CACNA1E: variants seen among roughly 807,000 people sequenced by gnomAD.
CACNA1E encodes voltage-dependent R-type calcium channel subunit alpha-1E.
Under a neutral mutation model 259.2 loss-of-function variants are expected in CACNA1E, and 40 were observed. The observed-to-expected ratio is 0.15, with a 90% CI of 0.12 to 0.20. CACNA1E has a LOEUF of 0.20. CACNA1E is among the 10% of genes least tolerant of loss of function. CACNA1E has a pLI of 1.00. For synonymous variants in CACNA1E, 1,104 were observed against 1,138.5 expected (o/e 0.97, Z 0.61); for missense variants, 1,874 against 3,040.1 (o/e 0.62, Z 9.02).
chr1:181,612,471 G>A (rs1028293472), intron 6 of CACNA1E, among the ~76,000 whole-genome samples: 1 of 152,164 alleles, frequency 6.6e-6, no homozygotes, highest in Non-Finnish European at 1.5e-5. Flanking sequence ...ACAATCAACT[G>A]TCAGGGCTGA....
chr1:181,793,905 C>A, intron 45 of CACNA1E, 112 bp downstream of exon 45: 2 of 1,189,574 alleles, frequency 1.7e-6, no homozygotes, highest in South Asian at 1.6e-5. Context: ...CACCCCTTCC[C>A]TATAAATAAA....
intron 7 of CACNA1E, among the ~76,000 whole-genome samples, chr1:181,665,222 C>A (rs976757486): frequency 3.3e-5 from 5 of 152,046 alleles, no homozygotes; most frequent in African/African-American, 1.2e-4. Context: ...TATATATACA[C>A]CCATATATGC....
chr1:181,755,863 C>T, intron 28 of CACNA1E, 93 bp from the exon 29 acceptor site: 1 of 1,265,142 alleles, frequency 7.9e-7, no homozygotes, highest in Non-Finnish European at 1.1e-6. Context: ...ATCATTATTA[C>T]CCCCACATTA....
intron 1 of CACNA1E, among the ~76,000 whole-genome samples, chr1:181,329,204 C>T (rs966713218): frequency 2.6e-5 from 4 of 152,102 alleles, no homozygotes; most frequent in African/African-American, 9.7e-5. Context: ...CAATATGTCT[C>T]GACCTTGTCT....
In CACNA1E at chr1:181,776,109, C is replaced by T. The variant is rs1236736862; in HGVS notation, c.5148C>T (p.Asn1716=). The T allele has an allele frequency of 5.0e-6, 8 of 1,613,306 alleles. No homozygotes were observed. Among genetic ancestry groups the T allele is most frequent in the African/African-American group, 1.3e-5 (1 of 74,938 alleles). ...FIFFCSFLML[N]LFVAVIMDNF... is the part of the protein sequence containing the mutation. Reference sequence around the variant, plus strand: ...TTCCCCTTGCCCTTCAGATGCTCAACCTGTTTGTGGCCGTCATCATGGACA... The same window carrying T: ...TTCCCCTTGCCCTTCAGATGCTCAATCTGTTTGTGGCCGTCATCATGGACA... Residue 1716 remains asparagine, a synonymous_variant, in exon 38 of 48, where the codon AAC becomes AAT. Transcript: ENST00000367573. This position sits in a 1 kb window ranked among gnomAD's most constrained non-coding sequence, Gnocchi z 4.4.
At position 181,803,143 on chromosome 1, in the gene CACNA1E, C is replaced by T. The variant is rs1662393398; in HGVS notation, c.*4309C>T. On this transcript the variant is annotated 3_prime_UTR_variant, in exon 48 of 48. Transcript: ENST00000367573. Reference sequence around the variant, plus strand: ...GCGTTGCCATGCCTTGGGGTGAATTCTTCCCCACTAGCTCTCTCACCCAGC... The same window carrying T: ...GCGTTGCCATGCCTTGGGGTGAATTTTTCCCCACTAGCTCTCTCACCCAGC... 6.6e-6 allele frequency: 1 copy of T among 152,218 alleles called. No individual in the cohort carries two copies. The highest frequency in any genetic ancestry group is 2.1e-4 in the South Asian group (1 of 4,832). 9.4% of individuals were successfully genotyped at this position (152,218 alleles called of 1,614,324 possible).
At position 181,470,198 on chromosome 1, in the gene CACNA1E, ATT is replaced by A. The variant is rs140772361; in HGVS notation, c.435-13536_435-13535del. Among the ~76,000 whole-genome samples, 4 of 147,226 alleles carry A rather than the reference ATT, an allele frequency of 2.7e-5. No individual in the cohort carries two copies. The South Asian group carries it at 6.5e-4, about 24-fold the overall frequency. ...TTTTTAGAGATGGAGTCTCTAAAAT[ATT>A]TTTTTTTTTATAGATAGGATCTCTG... On this transcript the variant is annotated intron_variant, in intron 2 of 11. Coordinates refer to the CACNA1E transcript ENST00000524607.
At chr1:181,327,898 G>A (rs1650920474) in intron 1 of CACNA1E, among the ~76,000 whole-genome samples, 1 of 152,210 alleles carries the variant, frequency 6.6e-6, no homozygotes, top group South Asian at 2.1e-4. Context: ...AGGCTGGCCT[G>A]GCTGGAGTTG....
At chr1:181,610,943 A>AT (rs939389713) in intron 6 of CACNA1E, among the ~76,000 whole-genome samples, 1 of 151,692 alleles carries the variant, frequency 6.6e-6, no homozygotes, top group Non-Finnish European at 1.5e-5. Flanking sequence ...CATTACTACA[A>AT]TTTTTTTTTC....
chr1:181,750,082 G>A (rs1286733510), intron 25 of CACNA1E, among the ~76,000 whole-genome samples: 2 of 152,272 alleles, frequency 1.3e-5, no homozygotes, highest in Non-Finnish European at 2.9e-5. Context: ...ACTGGAAACA[G>A]AGTTTGTCTG....
intron 1 of CACNA1E, among the ~76,000 whole-genome samples, chr1:181,383,583 G>T (rs1178127465): frequency 2.0e-5 from 3 of 152,146 alleles, no homozygotes. Flanking sequence ...AATTTAAAAC[G>T]GTCTGTGGGG....
At chr1:181,692,497 T>G (rs574104331) in intron 7 of CACNA1E, among the ~76,000 whole-genome samples, 1 of 152,156 alleles carries the variant, frequency 6.6e-6, no homozygotes, top group South Asian at 2.1e-4. Context: ...GGCATAAGGC[T>G]GCAAACCTAC....
chr1:181,475,598 C>T (rs554108435), intron 2 of CACNA1E, among the ~76,000 whole-genome samples: 2 of 152,278 alleles, frequency 1.3e-5, no homozygotes, highest in East Asian at 1.9e-4. Flanking sequence ...GTACCTCATA[C>T]TATGGTACGT....
chr1:181,426,512 T>G (rs1659221578), intron 2 of CACNA1E, among the ~76,000 whole-genome samples: 1 of 132,406 alleles, frequency 7.6e-6, no homozygotes, highest in Non-Finnish European at 1.6e-5. Flanking sequence ...CCCCTTCCTG[T>G]CTCAACCCCT....
chr1:181,523,346 CAT>C (rs1667126619), intron 3 of CACNA1E, among the ~76,000 whole-genome samples: 1 of 152,170 alleles, frequency 6.6e-6, no homozygotes, highest in South Asian at 2.1e-4. Flanking sequence ...AAATATGTAA[CAT>C]AGTATATTTT....
intron 37 of CACNA1E, among the ~76,000 whole-genome samples, chr1:181,772,969 C>T (rs1659653182): frequency 6.6e-6 from 1 of 152,046 alleles, no homozygotes; most frequent in Non-Finnish European, 1.5e-5. Context: ...ATCAGACAAG[C>T]AGTGATAAAT....
intron 6 of CACNA1E, among the ~76,000 whole-genome samples, chr1:181,582,376 G>C (rs1314798298): frequency 6.6e-6 from 1 of 152,220 alleles, no homozygotes; most frequent in Non-Finnish European, 1.5e-5. Flanking sequence ...GTTGTCTTGA[G>C]GCCATGCCAC....
chr1:181,717,017 C>T (rs1404128556), intron 10 of CACNA1E, 76 bp from the exon 11 acceptor site: 6 of 1,234,514 alleles, frequency 4.9e-6, no homozygotes, highest in Non-Finnish European at 5.9e-6. Context: ...AGCAGCCCAT[C>T]TTGCCCTTCG....
At chr1:181,677,760 T>G (rs1572571210) in intron 7 of CACNA1E, among the ~76,000 whole-genome samples, 1 of 152,216 alleles carries the variant, frequency 6.6e-6, no homozygotes, top group Admixed American at 6.5e-5. Flanking sequence ...AGGTGAGATT[T>G]GAACAGGGCT....
Sources: gnomAD v4.1 joint callset for allele counts (sites outside exome capture counted in the v4.1 genomes callset) on GRCh38, gnomAD v4.1.1 for gene constraint, Gnocchi (gnomAD v3.1) non-coding constraint, MANE v1.5 for transcripts, NCBI Gene and HGNC (gene_info 2026-07-23, HGNC 2026-07-21) for gene names.